LRRC4C: variants seen among roughly 807,000 people sequenced by gnomAD.
LRRC4C encodes the protein leucine rich repeat containing 4C, also known as leucine-rich repeat-containing protein 4C.
LRRC4C carries 5 observed loss-of-function variants against 33.6 expected under a neutral mutation model. The ratio of observed to expected loss-of-function variants is 0.15; its 90% CI spans 0.08 to 0.31. The LOEUF is 0.31. LRRC4C is among the 10% of genes least tolerant of loss of function. LRRC4C has a pLI of 1.00. For missense variants in LRRC4C, 560 were observed against 796.7 expected (o/e 0.70, Z 3.58); for synonymous variants, 329 against 302.0 (o/e 1.09, Z -0.93).
chr11:40,209,868 G>A (rs1280851668), intron 5 of LRRC4C, among the ~76,000 whole-genome samples: 1 of 152,140 alleles, frequency 6.6e-6, no homozygotes, highest in Admixed American at 6.5e-5. Context: ...GTATTGGGTT[G>A]AAAACCAGCA....
At chr11:40,432,841 C>T (rs1388802437) in intron 3 of LRRC4C, among the ~76,000 whole-genome samples, 2 of 152,076 alleles carry the variant, frequency 1.3e-5, no homozygotes, top group Non-Finnish European at 2.9e-5. Context: ...AATAAAAGTG[C>T]TATTTAGAGA....
chr11:41,133,986 C>G (rs1011653379), intron 1 of LRRC4C, among the ~76,000 whole-genome samples: 1 of 152,156 alleles, frequency 6.6e-6, no homozygotes. Context: ...TATAAATCCA[C>G]ACTCTAATTC....
intron 2 of LRRC4C, among the ~76,000 whole-genome samples, chr11:40,658,835 C>T (rs151326055): frequency 6.6e-6 from 1 of 152,144 alleles, no homozygotes; most frequent in Non-Finnish European, 1.5e-5. Context: ...CTTTCCCTTA[C>T]AAGAATGTGG....
intron 4 of LRRC4C, among the ~76,000 whole-genome samples, chr11:40,272,835 CTTT>C: frequency 7.0e-6 from 1 of 143,308 alleles, no homozygotes; most frequent in African/African-American, 2.5e-5. Flanking sequence ...ATGATTCATT[CTTT>C]TTTTTTTTGT....
intron 2 of LRRC4C, among the ~76,000 whole-genome samples, chr11:40,731,243 C>T (rs891568916): frequency 4.6e-5 from 7 of 151,992 alleles, no homozygotes; most frequent in Non-Finnish European, 7.4e-5. Context: ...GGCGTGAACC[C>T]GGGAGGCGGA....
intron 1 of LRRC4C, among the ~76,000 whole-genome samples, chr11:41,159,525 C>G (rs1944376087): frequency 6.6e-6 from 1 of 152,014 alleles, no homozygotes; most frequent in Non-Finnish European, 1.5e-5. Context: ...AATGAGCAGA[C>G]AGATTTTTTA....
At chr11:40,526,131 A>G (rs1401818597) in intron 3 of LRRC4C, among the ~76,000 whole-genome samples, 1 of 152,128 alleles carries the variant, frequency 6.6e-6, no homozygotes, top group African/African-American at 2.4e-5. Flanking sequence ...ATAAAAATAA[A>G]GATTTTACAA....
chr11:41,271,103 G>C (rs1949305632), intron 1 of LRRC4C, among the ~76,000 whole-genome samples: 5 of 152,046 alleles, frequency 3.3e-5, no homozygotes, highest in Admixed American at 3.3e-4. Context: ...CAGGTACCAG[G>C]TAGGACTAGG....
intron 1 of LRRC4C, among the ~76,000 whole-genome samples, chr11:40,947,858 G>A (rs1367584679): frequency 2.0e-5 from 3 of 152,078 alleles, no homozygotes; most frequent in African/African-American, 4.8e-5. Flanking sequence ...CTCTCAATAA[G>A]CTGGGACAGT....
intron 5 of LRRC4C, among the ~76,000 whole-genome samples, chr11:40,157,470 A>T (rs1858799119): frequency 6.6e-6 from 1 of 152,318 alleles, no homozygotes; most frequent in Middle Eastern, 3.4e-3. Flanking sequence ...AAGTAACCAG[A>T]CAACCCACAG....
intron 3 of LRRC4C, among the ~76,000 whole-genome samples, chr11:40,635,971 G>A (rs1963926190): frequency 3.3e-5 from 5 of 151,730 alleles, no homozygotes; most frequent in Admixed American, 6.6e-5. Context: ...CAGAAATAGG[G>A]AAAAAAACAA....
chr11:41,327,459 A>G (rs1951157374), intron 1 of LRRC4C, among the ~76,000 whole-genome samples: 1 of 152,174 alleles, frequency 6.6e-6, no homozygotes, highest in Admixed American at 6.5e-5. Flanking sequence ...AATGAATTCA[A>G]TTTGGCAGAA....
chr11:40,918,766 T>A (rs953054194), intron 2 of LRRC4C, among the ~76,000 whole-genome samples: 1 of 152,156 alleles, frequency 6.6e-6, no homozygotes, highest in Non-Finnish European at 1.5e-5. Flanking sequence ...GCCTATAGCA[T>A]GGGTCTCATT....
chr11:41,400,767 C>G (rs1215249907), intron 1 of LRRC4C, among the ~76,000 whole-genome samples: 1 of 151,784 alleles, frequency 6.6e-6, no homozygotes, highest in Non-Finnish European at 1.5e-5. Context: ...GAGATTAGAC[C>G]TCAGTCTTCT....
intron 1 of LRRC4C, among the ~76,000 whole-genome samples, chr11:41,221,302 A>C (rs1479076661): frequency 1.3e-5 from 2 of 152,028 alleles, no homozygotes; most frequent in Admixed American, 6.6e-5. Flanking sequence ...AAAAAAAAAA[A>C]CCTCAATATC....
chr11:40,402,387 T>G (rs1302132392), intron 3 of LRRC4C, among the ~76,000 whole-genome samples: 1 of 152,118 alleles, frequency 6.6e-6, no homozygotes, highest in Non-Finnish European at 1.5e-5. Flanking sequence ...CCCTGTAAAG[T>G]TGGCTGGGCA....
At chr11:41,275,860 A>G (rs1327860710) in intron 1 of LRRC4C, among the ~76,000 whole-genome samples, 2 of 152,204 alleles carry the variant, frequency 1.3e-5, no homozygotes, top group African/African-American at 4.8e-5. Flanking sequence ...CAGGTTATCA[A>G]AGAGCAAGTA....
intron 1 of LRRC4C, among the ~76,000 whole-genome samples, chr11:41,214,662 A>G (rs1258345760): frequency 6.7e-6 from 1 of 148,236 alleles, no homozygotes. Flanking sequence ...AGGCAGGAGA[A>G]TGGCTTAAAC....
At chr11:40,922,997 G>C (rs1418908995) in intron 2 of LRRC4C, among the ~76,000 whole-genome samples, 1 of 152,198 alleles carries the variant, frequency 6.6e-6, no homozygotes, top group Non-Finnish European at 1.5e-5. Context: ...GCTAATTTTT[G>C]TATTTTTAGT....
Sources: gnomAD v4.1 joint callset for allele counts (sites outside exome capture counted in the v4.1 genomes callset) on GRCh38, gnomAD v4.1.1 for gene constraint, MANE v1.5 for transcripts, NCBI Gene and HGNC (gene_info 2026-07-23, HGNC 2026-07-21) for gene names.